ERLEC1: variants seen among roughly 807,000 people sequenced by gnomAD.
ERLEC1 encodes the protein ER lectin.
ERLEC1 carries 47 observed loss-of-function variants against 68.0 expected under a neutral mutation model. The observed-to-expected ratio is 0.69, with a 90% CI of 0.55 to 0.88. The LOEUF (loss-of-function observed/expected upper bound fraction) is 0.88, where lower values mean the gene tolerates loss of function less well. Among genes scored for constraint, ERLEC1 ranks in the 40% least tolerant of loss-of-function variants. ERLEC1 has a pLI of 0.00. For synonymous variants in ERLEC1, 225 were observed against 203.2 expected (o/e 1.11, Z -0.91); for missense variants, 567 against 583.8 (o/e 0.97, Z 0.30).
intron 6 of ERLEC1, among the ~76,000 whole-genome samples, chr2:53,800,235 A>G (rs950597912): frequency 2.0e-5 from 3 of 152,150 alleles, no homozygotes; most frequent in Non-Finnish European, 1.5e-5. Flanking sequence ...TCGCAGTACC[A>G]TTACAGAATA....
rs750607727 is a variant in ERLEC1 at position 53,809,284 on chromosome 2, G to A, written c.1101+11G>A. Reference sequence around the variant, plus strand: ...CATCAATACCATGAGGTATAGAATAGCATTTATATATCATTCTACCACTAG... The same window carrying A: ...CATCAATACCATGAGGTATAGAATAACATTTATATATCATTCTACCACTAG... On this transcript the variant is annotated intron_variant, in intron 10 of 13. Coordinates refer to ENST00000185150, the MANE Select transcript of ERLEC1 (RefSeq NM_015701.5). 23 of 1,512,672 alleles carry A rather than the reference G, an allele frequency of 1.5e-5. No homozygotes were observed. In the Admixed American group the frequency reaches 5.8e-4, roughly 38 times the overall value. The allele number at this position is 1,512,672 out of a possible 1,614,324, so 93.7% of individuals were successfully genotyped here. A position where few individuals can be genotyped will look rare whatever the true frequency, so the allele number is the denominator to read the frequency against.
At chr2:53,794,953 G>A (rs917210492) in intron 2 of ERLEC1, among the ~76,000 whole-genome samples, 7 of 151,990 alleles carry the variant, frequency 4.6e-5, no homozygotes, top group African/African-American at 1.2e-4. Context: ...ATGCCCGGCC[G>A]CAACCAATTA....
At chr2:53,815,631 T>C (rs1367025058) in intron 13 of ERLEC1, among the ~76,000 whole-genome samples, 1 of 152,178 alleles carries the variant, frequency 6.6e-6, no homozygotes, top group Non-Finnish European at 1.5e-5. Context: ...TAGTTTTGTC[T>C]CTTTTTTGGA....
intron 13 of ERLEC1, among the ~76,000 whole-genome samples, chr2:53,815,608 T>C (rs1461651352): frequency 6.6e-6 from 1 of 152,218 alleles, no homozygotes; most frequent in Admixed American, 6.5e-5. Context: ...TTCTGATTTA[T>C]GACATTGTAG....
chr2:53,790,398 G>A (rs1487064035), intron 1 of ERLEC1, among the ~76,000 whole-genome samples: 2 of 151,064 alleles, frequency 1.3e-5, no homozygotes, highest in South Asian at 2.1e-4. Flanking sequence ...GTGCCTGGCC[G>A]CGGGTTGGAC....
At chr2:53,808,618 C>A (rs768777969) in intron 9 of ERLEC1, among the ~76,000 whole-genome samples, 158 bp downstream of exon 9, 18 of 152,174 alleles carry the variant, frequency 1.2e-4, no homozygotes, top group Non-Finnish European at 2.1e-4. Flanking sequence ...CTCATACCCC[C>A]ACGTTTCTGT....
At chr2:53,809,608 G>A (rs750892426) in intron 10 of ERLEC1, among the ~76,000 whole-genome samples, 1 of 152,102 alleles carries the variant, frequency 6.6e-6, no homozygotes, top group Non-Finnish European at 1.5e-5. Context: ...GAATTAGCCG[G>A]GAGTGGTGCC....
chr2:53,801,582 C>T lies in ERLEC1; in HGVS notation c.711C>T (p.Val237=). The T allele has an allele frequency of 6.2e-7, 1 of 1,613,990 alleles. No individual in the cohort carries two copies. Among genetic ancestry groups the T allele is most frequent in the East Asian group, 2.2e-5 (1 of 44,870 alleles). Residue 237 remains valine (V), a synonymous_variant, in exon 7 of 14, where the codon GTC becomes GTT. Coordinates refer to ENST00000185150, the MANE Select transcript of ERLEC1 (RefSeq NM_015701.5). ...AEVTTCEYEV[V]ILTPLLCSHP... is the part of the protein sequence containing the mutation. ...TTACAACTTGTGAATATGAAGTTGT[C>T]ATTTTGACACCACTCTTGTGCAGTC...
At chr2:53,798,664 T>C (rs1345674507) in intron 5 of ERLEC1, among the ~76,000 whole-genome samples, 1 of 151,566 alleles carries the variant, frequency 6.6e-6, no homozygotes, top group East Asian at 2.0e-4. Context: ...ATATAAGTGT[T>C]AGTCTTCTGC....
intron 11 of ERLEC1, among the ~76,000 whole-genome samples, chr2:53,813,789 G>C (rs1221499986): frequency 6.6e-6 from 1 of 151,454 alleles, no homozygotes; most frequent in East Asian, 1.9e-4. Flanking sequence ...TTAAAACATA[G>C]ACTTTTTTTT....
intron 1 of ERLEC1, among the ~76,000 whole-genome samples, chr2:53,790,908 TTTAA>T (rs1207593279): frequency 6.6e-6 from 1 of 152,268 alleles, no homozygotes; most frequent in Non-Finnish European, 1.5e-5. Flanking sequence ...TGTCGTTATG[TTTAA>T]TTATTCATTA....
chr2:53,815,014 T>TTTTTTTTTTTTTA, intron 13 of ERLEC1, 79 bp downstream of exon 13: 1 of 959,002 alleles, frequency 1.0e-6, no homozygotes, highest in African/African-American at 1.7e-5. Flanking sequence ...TTTTTTTTTT[T>TTTTTTTTTTTTTA]TTGTTTTTTT....
intron 13 of ERLEC1, among the ~76,000 whole-genome samples, chr2:53,816,633 A>G (rs1039278360): frequency 1.3e-5 from 2 of 152,258 alleles, no homozygotes; most frequent in African/African-American, 4.8e-5. Flanking sequence ...TCAATTTATC[A>G]TTTATTCCTC....
chr2:53,803,243 G>T (rs1481579340), intron 8 of ERLEC1, among the ~76,000 whole-genome samples: 2 of 152,162 alleles, frequency 1.3e-5, no homozygotes, highest in African/African-American at 2.4e-5. Context: ...GACTCTTTGT[G>T]CATGTTGTGA....
chr2:53,794,399 C>A lies in ERLEC1; in HGVS notation c.217C>A (p.His73Asn), dbSNP rs200796414. The change falls in exon 2 of 14, where the codon CAT (histidine) becomes AAT (asparagine). Residue 73 changes from histidine to asparagine, a missense_variant. Coordinates refer to ENST00000185150, the MANE Select transcript of ERLEC1 (RefSeq NM_015701.5). The part of the protein sequence containing the change: ...EDNYVIMTTA[H>N]KEKYKCILPL... ...TAATTATGTCATCATGACAACTGCACATAAAGAAAAATATAAATGCATACT... is the reference window on the plus strand; with the variant it reads ...TAATTATGTCATCATGACAACTGCAAATAAAGAAAAATATAAATGCATACT... The A allele has an allele frequency of 1.9e-6, 3 of 1,590,534 alleles. No individual in the cohort carries two copies. Among genetic ancestry groups the A allele is most frequent in the Non-Finnish European group, 2.6e-6 (3 of 1,167,398 alleles).
chr2:53,817,243 C>T (rs182093696), intron 13 of ERLEC1, among the ~76,000 whole-genome samples: 2 of 152,146 alleles, frequency 1.3e-5, no homozygotes, highest in East Asian at 1.9e-4. Flanking sequence ...AAGTTATTCT[C>T]CTGCCTCAGC....
At chr2:53,806,047 T>G (rs1676279416) in intron 8 of ERLEC1, among the ~76,000 whole-genome samples, 1 of 152,192 alleles carries the variant, frequency 6.6e-6, no homozygotes, top group African/African-American at 2.4e-5. Flanking sequence ...CTTTTGAAAA[T>G]GTACATTTAG....
Position 53,795,956 on chromosome 2 carries a change from C to T in ERLEC1, c.291C>T (p.Gly97=). 4 of 1,602,228 alleles carry T rather than the reference C, an allele frequency of 2.5e-6. No individual in the cohort carries two copies. The highest frequency in any genetic ancestry group is 3.4e-6 in the Non-Finnish European group (4 of 1,175,366). The change falls in exon 3 of 14, where the codon GGC becomes GGT. Residue 97 remains glycine, a synonymous_variant. Coordinates refer to ENST00000185150, the MANE Select transcript of ERLEC1 (RefSeq NM_015701.5). ...GDEEEEKDYK[G]PNPRELLEPL... Reference sequence around the variant, plus strand: ...AGGAAGAAGAAAAGGATTATAAAGGCCCTAATCCAAGAGAGCTTTTGGAGC... The same window carrying T: ...AGGAAGAAGAAAAGGATTATAAAGGTCCTAATCCAAGAGAGCTTTTGGAGC...
chr2:53,810,752 G>A (rs907867976), intron 10 of ERLEC1, among the ~76,000 whole-genome samples: 7 of 152,090 alleles, frequency 4.6e-5, no homozygotes, highest in Non-Finnish European at 7.4e-5. Context: ...GGATGTGTTC[G>A]GTTTTTTTGT....
Sources: allele counts gnomAD v4.1 joint callset (sites outside exome capture counted in the v4.1 genomes callset), GRCh38; gene constraint gnomAD v4.1.1; transcripts MANE v1.5; gene names NCBI Gene and HGNC (gene_info 2026-07-23, HGNC 2026-07-21).